Variants in ANKRD44 observed in about 807,000 individuals in gnomAD.
The protein encoded by ANKRD44 is ankyrin repeat domain 44.
Under a neutral mutation model 116.0 loss-of-function variants are expected in ANKRD44, and 35 were observed. The ratio of observed to expected loss-of-function variants is 0.30; its 90% CI spans 0.23 to 0.40. ANKRD44 has a LOEUF of 0.40. Ranked by LOEUF, ANKRD44 falls within the 10% of genes least tolerant of loss-of-function variation. ANKRD44 has a pLI of 1.00. For synonymous variants in ANKRD44, 435 were observed against 461.8 expected (o/e 0.94, Z 0.74); for missense variants, 1,014 against 1,242.6 (o/e 0.82, Z 2.77).
At chr2:196,976,838 A>G (rs2075764381) in intron 21 of ANKRD44, among the ~76,000 whole-genome samples, 1 of 151,400 alleles carries the variant, frequency 6.6e-6, no homozygotes. Context: ...ACTGCACTCC[A>G]GCCTGGACAG....
In ANKRD44 at chr2:196,988,179, ACGCTGCTTTGCCATTAAAGCAAG is replaced by A. The variant is rs769166701; in HGVS notation, c.*1389_*1411del. 337 of 985,442 alleles carry A rather than the reference ACGCTGCTTTGCCATTAAAGCAAG, an allele frequency of 3.4e-4. 2 individuals are homozygous for A. The highest frequency in any genetic ancestry group is 8.5e-4 in the South Asian group (18 of 21,290). The allele number at this position is 985,442 out of a possible 1,614,324, so 61.0% of individuals were successfully genotyped here. On this transcript the variant is annotated 3_prime_UTR_variant, in exon 28 of 28. Coordinates refer to ENST00000282272, the MANE Select transcript of ANKRD44 (RefSeq NM_001195144.2). The stretch of plus-strand genomic sequence containing the variant: ...CTGCTACACGACAGGAAAAATGTTA[ACGCTGCTTTGCCATTAAAGCAAG>A]CATTTCATTTCCTGCTTGAAATGCC...
intron 1 of ANKRD44, among the ~76,000 whole-genome samples, chr2:197,286,492 A>G (rs13402343): frequency 0.012 from 1,830 of 151,432 alleles, 38 homozygotes; most frequent in African/African-American, 0.042. Flanking sequence ...CTCCTGTCTC[A>G]GCCTCCCCAG....
At position 196,967,853 on chromosome 2, in the gene ANKRD44, A is replaced by G. The variant is rs76674610; in HGVS notation, c.2369-407T>C. 3.6e-3 allele frequency among the ~76,000 whole-genome samples: 551 copies of G among 151,432 alleles called. 4 individuals carry two copies. The highest frequency in any genetic ancestry group is 0.013 in the African/African-American group (523 of 41,398). On this transcript the variant is annotated intron_variant, in intron 21 of 21. Coordinates refer to the ANKRD44 transcript ENST00000424317. ...ATCTCATGCTGAATTGTAATCCCCA[A>G]TGCTGGAGGTGGGGTGGGAGGTGTC...
chr2:197,188,552 C>G (rs74835876), intron 1 of ANKRD44, among the ~76,000 whole-genome samples: 7 of 152,312 alleles, frequency 4.6e-5, no homozygotes, highest in Non-Finnish European at 8.8e-5. Context: ...TTTCTACATG[C>G]AACTTGGGGG....
At chr2:197,133,807 AAAG>A (rs1257542045) in intron 4 of ANKRD44, among the ~76,000 whole-genome samples, 2 of 152,168 alleles carry the variant, frequency 1.3e-5, no homozygotes, top group African/African-American at 4.8e-5. Context: ...ACTAAATTCC[AAAG>A]AAGAAGGAAA....
intron 1 of ANKRD44, among the ~76,000 whole-genome samples, chr2:197,270,276 ACT>A (rs1353357723): frequency 2.0e-5 from 3 of 152,072 alleles, no homozygotes; most frequent in Non-Finnish European, 4.4e-5. Flanking sequence ...CGGGAGTCAG[ACT>A]CTGTGCCAGA....
intron 27 of ANKRD44, chr2:196,990,388 T>A (rs2075895613): frequency 3.8e-6 from 4 of 1,058,148 alleles, no homozygotes; most frequent in Non-Finnish European, 4.6e-6. Flanking sequence ...TGCTGCATTA[T>A]CCCCAAAGAA....
intron 1 of ANKRD44, among the ~76,000 whole-genome samples, chr2:197,200,668 A>G (rs1419630764): frequency 6.6e-6 from 1 of 152,044 alleles, no homozygotes; most frequent in East Asian, 1.9e-4. Context: ...AACACATACA[A>G]CGCTTGCTGT....
At chr2:197,186,948 G>A in intron 2 of ANKRD44, 75 bp downstream of exon 2, 1 of 1,176,842 alleles carries the variant, frequency 8.5e-7, no homozygotes, top group Non-Finnish European at 1.3e-6. Context: ...AGAGTCCATG[G>A]TATATAAAAG....
chr2:197,164,910 T>A (rs973945544), intron 2 of ANKRD44, among the ~76,000 whole-genome samples: 5 of 152,080 alleles, frequency 3.3e-5, no homozygotes, highest in African/African-American at 9.7e-5. Context: ...GCGGAAGAAC[T>A]GGGTTCAAAC....
At chr2:197,180,205 C>T (rs1202784024) in intron 2 of ANKRD44, among the ~76,000 whole-genome samples, 1 of 152,206 alleles carries the variant, frequency 6.6e-6, no homozygotes, top group Non-Finnish European at 1.5e-5. Flanking sequence ...GAGAAACCTT[C>T]ATCACTGAAT....
chr2:197,215,919 T>C, intron 1 of ANKRD44, among the ~76,000 whole-genome samples: 1 of 152,232 alleles, frequency 6.6e-6, no homozygotes, highest in East Asian at 1.9e-4. Flanking sequence ...CCTCCTTTCC[T>C]TCTCAATTTG....
Position 197,254,598 on chromosome 2 carries a change from T to TACAC in ANKRD44, c.27+55976_27+55979dup, listed in dbSNP as rs3057783. 8.0e-3 allele frequency among the ~76,000 whole-genome samples: 1,188 copies of TACAC among 148,212 alleles called. 7 individuals carry two copies. Among genetic ancestry groups the TACAC allele is most frequent in the South Asian group, 0.022 (102 of 4,610 alleles). On this transcript the variant is annotated intron_variant, in intron 1 of 27. Transcript: ENST00000282272. ...ATGTGTATAGACACACATACATGCA[T>TACAC]ACACACACACACACACACACACACA... is the stretch of plus-strand genomic sequence containing the variant.
intron 3 of ANKRD44, among the ~76,000 whole-genome samples, chr2:197,139,860 G>T (rs2079316080): frequency 8.1e-6 from 1 of 122,866 alleles, no homozygotes; most frequent in Non-Finnish European, 1.8e-5. Context: ...GTGTGTGTGT[G>T]TGTGTGTGTG....
At chr2:197,051,106 G>A (rs565361776) in intron 16 of ANKRD44, among the ~76,000 whole-genome samples, 53 of 151,858 alleles carry the variant, frequency 3.5e-4, no homozygotes, top group African/African-American at 1.1e-3. Context: ...GGGACTACAG[G>A]CACACACCAC....
chr2:197,124,086 CCA>C (rs1303306069), intron 6 of ANKRD44, among the ~76,000 whole-genome samples: 1 of 152,162 alleles, frequency 6.6e-6, no homozygotes, highest in Non-Finnish European at 1.5e-5. Context: ...CAGCTGTCTC[CCA>C]CAGTCACTGG....
intron 16 of ANKRD44, among the ~76,000 whole-genome samples, chr2:197,053,894 G>C (rs1286559527): frequency 6.6e-6 from 1 of 152,176 alleles, no homozygotes; most frequent in African/African-American, 2.4e-5. Context: ...TTATATAATT[G>C]GCTGTGTTGC....
At chr2:196,979,737 T>C (rs1419172684) in intron 21 of ANKRD44, among the ~76,000 whole-genome samples, 1 of 151,692 alleles carries the variant, frequency 6.6e-6, no homozygotes, top group Non-Finnish European at 1.5e-5. Context: ...TAATTTTGTA[T>C]TTTTAGTAGA....
intron 2 of ANKRD44, among the ~76,000 whole-genome samples, chr2:197,152,511 C>A (rs143322648): frequency 6.6e-6 from 1 of 152,128 alleles, no homozygotes; most frequent in Non-Finnish European, 1.5e-5. Flanking sequence ...TCCCATTCTA[C>A]GAATAGCCAA....
Sources: gnomAD v4.1 joint callset for allele counts (sites outside exome capture counted in the v4.1 genomes callset) on GRCh38, gnomAD v4.1.1 for gene constraint, MANE v1.5 for transcripts, NCBI Gene and HGNC (gene_info 2026-07-23, HGNC 2026-07-21) for gene names.